EPO: variants seen among roughly 807,000 people sequenced by gnomAD.
EPO encodes the protein erythropoietin.
In EPO, 12 loss-of-function variants were observed where a neutral mutation model predicts 24.4. The ratio of observed to expected loss-of-function variants is 0.49; its 90% confidence interval spans 0.32 to 0.80. EPO has a LOEUF of 0.80. EPO is among the 30% of genes least tolerant of loss of function. The pLI is 0.04. For missense variants in EPO, 210 were observed against 238.0 expected (o/e 0.88, Z 0.77); for synonymous variants, 107 against 104.0 (o/e 1.03, Z -0.18).
rs1226320257 is a variant in EPO at position 100,721,716 on chromosome 7, C to T, written c.159+13C>T. The T allele has an allele frequency of 6.2e-7, 1 of 1,605,210 alleles. No individual in the cohort carries two copies. The highest frequency in any genetic ancestry group is 8.5e-7 in the Non-Finnish European group (1 of 1,179,042). ...CGAGAATATCACGGTGAGACCCCTT[C>T]CCCAGCACATTCCACAGAACTCACG... is the stretch of plus-strand genomic sequence containing the variant. On this transcript the variant is annotated intron_variant, in intron 2 of 4. Coordinates refer to ENST00000252723, the MANE Select transcript of EPO (RefSeq NM_000799.4). This position sits in a 1 kb window ranked among gnomAD's most constrained non-coding sequence, Gnocchi z 4.0.
chr7:100,723,169 C>G lies in EPO; in HGVS notation c.*36C>G. The G allele has an allele frequency of 6.3e-7, 1 of 1,594,118 alleles. No homozygotes were observed. The highest frequency in any genetic ancestry group is 1.7e-4 in the Middle Eastern group (1 of 5,948). On this transcript the variant is annotated 3_prime_UTR_variant, in exon 5 of 5. Coordinates refer to ENST00000252723, the MANE Select transcript of EPO (RefSeq NM_000799.4). ...CCACCTGGGCATATCCACCACCTCC[C>G]TCACCAACATTGCTTGTGCCACACC...
In EPO at chr7:100,720,732, C is replaced by G; in HGVS notation, c.-249C>G. 2.5e-6 allele frequency: 1 copy of G among 401,054 alleles called. No individual in the cohort carries two copies. The allele number at this position is 401,054 out of a possible 1,614,324, so 24.8% of individuals were successfully genotyped here. On this transcript the variant is annotated 5_prime_UTR_variant, in exon 1 of 5. Coordinates refer to ENST00000252723, the MANE Select transcript of EPO (RefSeq NM_000799.4). ...ACATGCAGATAACAGCCCCGACCCC[C>G]GGCCAGAGCCGCAGAGTCCCTGGGC...
In EPO at chr7:100,722,057, CTT is replaced by C. The variant is rs111249118; in HGVS notation, c.246+23_246+24del. 6.0e-3 allele frequency: 7,968 copies of C among 1,335,650 alleles called. 2 individuals are homozygous for C. The highest frequency in any genetic ancestry group is 7.8e-3 in the South Asian group (569 of 73,396). The allele number at this position is 1,335,650 out of a possible 1,614,324, so 82.7% of individuals were successfully genotyped here. A position where few individuals can be genotyped will look rare whatever the true frequency, so the allele number is the denominator to read the frequency against. On this transcript the variant is annotated intron_variant, in intron 3 of 4. Transcript: ENST00000252723. ...CCTGGAAGAGGATGGAGGTGAGTTCCTTTTTTTTTTTTTTTCCTTTCTTTTGG... is the reference window on the plus strand; with the variant it reads ...CCTGGAAGAGGATGGAGGTGAGTTCCTTTTTTTTTTTTTCCTTTCTTTTGG...
Position 100,721,933 on chromosome 7 carries a change from C to T in EPO, c.160-29C>T. 6.3e-7 allele frequency: 1 copy of T among 1,593,090 alleles called. No homozygotes were observed. Among genetic ancestry groups the T allele is most frequent in the Non-Finnish European group, 8.5e-7 (1 of 1,174,072 alleles). On this transcript the variant is annotated intron_variant, in intron 2 of 4. Transcript: ENST00000252723. The surrounding 1 kb of genome is among the most constrained non-coding windows in gnomAD (Gnocchi z 4.0). ...GCCAGGGCCAGAGCCTTCAGGGACCCTTGACTCCCCGGGCTGTGTGCATTT... is the reference window on the plus strand; with the variant it reads ...GCCAGGGCCAGAGCCTTCAGGGACCTTTGACTCCCCGGGCTGTGTGCATTT...
rs760976625 is a variant in EPO, at chr7:100,721,600, T to A, written c.56T>A (p.Leu19His). The A allele has an allele frequency of 6.2e-7, 1 of 1,613,948 alleles. No individual in the cohort carries two copies. Among genetic ancestry groups the A allele is most frequent in the Non-Finnish European group, 8.5e-7 (1 of 1,180,010 alleles). The change falls in exon 2 of 5, where the codon CTC (leucine) becomes CAC (histidine). Residue 19 changes from leucine to histidine, a missense_variant. Coordinates refer to ENST00000252723, the MANE Select transcript of EPO (RefSeq NM_000799.4). The surrounding 1 kb of genome is among the most constrained non-coding windows in gnomAD (Gnocchi z 4.0). ...TGGCTTCTCCTGTCCCTGCTGTCGC[T>A]CCCTCTGGGCCTCCCAGTCCTGGGC... is the stretch of plus-strand genomic sequence containing the variant. ...WLWLLLSLLS[L>H]PLGLPVLGAP...
Position 100,722,742 on chromosome 7 carries a change from G to A in EPO, c.325G>A (p.Val109Ile), listed in dbSNP as rs772142028. Reference protein sequence around the residue: ...EAVLRGQALLVNSSQPWEPLQ... With the variant: ...EAVLRGQALLINSSQPWEPLQ... ...TGTCCTGCGGGGCCAGGCCCTGTTGGTCAACTCTTCCCAGCCGTGGGAGCC... is the reference window on the plus strand; with the variant it reads ...TGTCCTGCGGGGCCAGGCCCTGTTGATCAACTCTTCCCAGCCGTGGGAGCC... The change falls in exon 4 of 5, where the codon GTC becomes ATC. Residue 109 changes from valine (V) to isoleucine (I), a missense_variant. Coordinates refer to ENST00000252723, the MANE Select transcript of EPO (RefSeq NM_000799.4). 6 of 1,613,886 alleles carry A rather than the reference G, an allele frequency of 3.7e-6. No individual in the cohort carries two copies. The South Asian group carries it at 4.4e-5, about 12-fold the overall frequency.
At chr7:100,722,344 G>A (rs1806754507) in intron 3 of EPO, among the ~76,000 whole-genome samples, 1 of 152,116 alleles carries the variant, frequency 6.6e-6, no homozygotes, top group Non-Finnish European at 1.5e-5. Flanking sequence ...CAGATATTTG[G>A]AAGGCTGAGG....
Position 100,721,594 on chromosome 7 carries a change from T to A in EPO, c.50T>A (p.Leu17Gln). 1 of 1,614,070 alleles carries A rather than the reference T, an allele frequency of 6.2e-7. No homozygotes were observed. Among genetic ancestry groups the A allele is most frequent in the South Asian group, 1.1e-5 (1 of 91,088 alleles). ...TGGCTGTGGCTTCTCCTGTCCCTGC[T>A]GTCGCTCCCTCTGGGCCTCCCAGTC... ...PAWLWLLLSLLSLPLGLPVLG... is the reference protein window; with the variant it reads ...PAWLWLLLSLQSLPLGLPVLG... The change falls in exon 2 of 5, where the codon CTG (leucine) becomes CAG (glutamine). Residue 17 changes from leucine (L) to glutamine (Q), a missense_variant. Coordinates refer to ENST00000252723, the MANE Select transcript of EPO (RefSeq NM_000799.4). This position sits in a 1 kb window ranked among gnomAD's most constrained non-coding sequence, Gnocchi z 4.0.
Position 100,721,487 on chromosome 7 carries a change from G to A in EPO, c.14-71G>A, listed in dbSNP as rs933738628. 1.9e-6 allele frequency: 3 copies of A among 1,563,484 alleles called. No homozygotes were observed. In the African/African-American group the frequency reaches 4.1e-5, roughly 21 times the overall value. ...CGAGCTGGGGCAGAGACGTGGGGAT[G>A]AAGGAAGCTGTCCTTCCACAGCCAC... On this transcript the variant is annotated intron_variant, in intron 1 of 4. Transcript: ENST00000252723. This position sits in a 1 kb window ranked among gnomAD's most constrained non-coding sequence, Gnocchi z 4.0.
chr7:100,722,596 G>A, intron 3 of EPO, 68 bp from the exon 4 acceptor site: 3 of 1,380,476 alleles, frequency 2.2e-6, no homozygotes, highest in Non-Finnish European at 3.0e-6. Flanking sequence ...TTGGTGCTTG[G>A]GGCTGCTGAG....
intron 3 of EPO, among the ~76,000 whole-genome samples, 170 bp downstream of exon 3, chr7:100,722,218 G>C (rs1280844225): frequency 6.6e-6 from 1 of 152,134 alleles, no homozygotes; most frequent in Admixed American, 6.6e-5. Flanking sequence ...TGGCCGAGAT[G>C]GGAGAATTGC....
chr7:100,723,275 T>A lies in EPO; in HGVS notation c.*142T>A. The A allele has an allele frequency of 1.0e-6, 1 of 983,696 alleles. No homozygotes were observed. The highest frequency in any genetic ancestry group is 1.6e-5 in the South Asian group (1 of 60,614). 60.9% of individuals were successfully genotyped at this position (983,696 alleles called of 1,614,324 possible). On this transcript the variant is annotated 3_prime_UTR_variant, in exon 5 of 5. Coordinates refer to ENST00000252723, the MANE Select transcript of EPO (RefSeq NM_000799.4). Reference sequence around the variant, plus strand: ...CCCATGGACACTCCAGTGCCAGCAATGACATCTCAGGGGCCAGAGGAACTG... The same window carrying A: ...CCCATGGACACTCCAGTGCCAGCAAAGACATCTCAGGGGCCAGAGGAACTG...
In EPO at chr7:100,721,898, C is replaced by T. The variant is rs755347543; in HGVS notation, c.160-64C>T. 1,060 of 1,557,126 alleles carry T rather than the reference C, an allele frequency of 6.8e-4. 1 individual carries two copies. The highest frequency in any genetic ancestry group is 8.3e-4 in the Non-Finnish European group (956 of 1,150,212). On this transcript the variant is annotated intron_variant, in intron 2 of 4. Transcript: ENST00000252723. The surrounding 1 kb of genome is among the most constrained non-coding windows in gnomAD (Gnocchi z 4.0). ...CAAGGAGCAAAGCCAGCAGATCCTA[C>T]GGCCTGTGGGCCAGGGCCAGAGCCT...
Position 100,720,770 on chromosome 7 carries a change from T to G in EPO, c.-211T>G. On this transcript the variant is annotated 5_prime_UTR_variant, in exon 1 of 5. Coordinates refer to ENST00000252723, the MANE Select transcript of EPO (RefSeq NM_000799.4). ...AGAGTCCCTGGGCCACCCCGGCCGC[T>G]CGCTGCGCTGCGCCGCACCGCGCTG... 1 of 461,976 alleles carries G rather than the reference T, an allele frequency of 2.2e-6. No homozygotes were observed. 28.6% of individuals were successfully genotyped at this position (461,976 alleles called of 1,614,324 possible).
At position 100,721,761 on chromosome 7, in the gene EPO, C is replaced by T; in HGVS notation, c.159+58C>T. The stretch of plus-strand genomic sequence containing the variant: ...CTCACGCTCAGGGCTTCAGGGAACT[C>T]CTCCCAGATCCAGGAACCTGGCACT... On this transcript the variant is annotated intron_variant, in intron 2 of 4. Coordinates refer to ENST00000252723, the MANE Select transcript of EPO (RefSeq NM_000799.4). The surrounding 1 kb of genome is among the most constrained non-coding windows in gnomAD (Gnocchi z 4.0). 1 of 1,562,778 alleles carries T rather than the reference C, an allele frequency of 6.4e-7. No homozygotes were observed. Among genetic ancestry groups the T allele is most frequent in the Non-Finnish European group, 8.6e-7 (1 of 1,159,642 alleles).
rs1584530906 is a variant in EPO, at chr7:100,721,327, T to C, written c.14-231T>C. 6.6e-6 allele frequency among the ~76,000 whole-genome samples: 1 copy of C among 152,090 alleles called. No individual in the cohort carries two copies. Among genetic ancestry groups the C allele is most frequent in the Non-Finnish European group, 1.5e-5 (1 of 68,020 alleles). On this transcript the variant is annotated intron_variant, in intron 1 of 4. Coordinates refer to ENST00000252723, the MANE Select transcript of EPO (RefSeq NM_000799.4). This position sits in a 1 kb window ranked among gnomAD's most constrained non-coding sequence, Gnocchi z 4.0. ...ACTTATCTGCCAGAGGGGAAGCCTC[T>C]GTCACACCAGGATTGAAGTTTGGCC...
In EPO at chr7:100,723,478, G is replaced by A. The variant is rs1806784589; in HGVS notation, c.*345G>A. 1 of 197,196 alleles carries A rather than the reference G, an allele frequency of 5.1e-6. No homozygotes were observed. The highest frequency in any genetic ancestry group is 5.8e-5 in the Admixed American group (1 of 17,266). 12.2% of individuals were successfully genotyped at this position (197,196 alleles called of 1,614,324 possible). A position where few individuals can be genotyped will look rare whatever the true frequency, so the allele number is the denominator to read the frequency against. ...GACACGCTTTGGAGGCGATTTACCTGTTTTCGCACCTACCATCAGGGACAG... is the reference window on the plus strand; with the variant it reads ...GACACGCTTTGGAGGCGATTTACCTATTTTCGCACCTACCATCAGGGACAG... On this transcript the variant is annotated 3_prime_UTR_variant, in exon 5 of 5. Transcript: ENST00000252723.
chr7:100,720,926 G>T lies in EPO; in HGVS notation c.-55G>T, dbSNP rs746847015. On this transcript the variant is annotated 5_prime_UTR_variant, in exon 1 of 5. Transcript: ENST00000252723. ...CGAGCTTCCCGGGATGAGGGCCCCC[G>T]GTGTGGTCACCCGGCGCGCCCCAGG... 1.5e-4 allele frequency: 225 copies of T among 1,529,618 alleles called. No homozygotes were observed. The highest frequency in any genetic ancestry group is 1.9e-4 in the Non-Finnish European group (217 of 1,140,908). 94.8% of individuals were successfully genotyped at this position (1,529,618 alleles called of 1,614,324 possible). A position where few individuals can be genotyped will look rare whatever the true frequency, so the allele number is the denominator to read the frequency against.
In EPO at chr7:100,722,990, T is replaced by C. The variant is rs755088347; in HGVS notation, c.439T>C (p.Ser147Pro). Residue 147 changes from serine (S) to proline (P), a missense_variant, in exon 5 of 5, where the codon TCC (serine) becomes CCC (proline). Transcript: ENST00000252723. ...TTCTCCTTGGCAGAAGGAAGCCATC[T>C]CCCCTCCAGATGCGGCCTCAGCTGC... ...RALGAQKEAI[S>P]PPDAASAAPL... 11 of 1,613,936 alleles carry C rather than the reference T, an allele frequency of 6.8e-6. No individual in the cohort carries two copies. In the South Asian group the frequency reaches 1.1e-4, roughly 16 times the overall value.
Sources: allele counts gnomAD v4.1 joint callset (sites outside exome capture counted in the v4.1 genomes callset), GRCh38; gene constraint gnomAD v4.1.1; non-coding constraint Gnocchi (gnomAD v3.1); transcripts MANE v1.5; gene names NCBI Gene and HGNC (gene_info 2026-07-23, HGNC 2026-07-21).